The following ORAI2 variants were observed in gnomAD, a reference collection of about 807,000 sequenced individuals.
The protein encoded by ORAI2 is ORAI calcium release-activated calcium modulator 2.
ORAI2 carries 10 observed loss-of-function variants against 16.2 expected under a neutral mutation model. That is an observed-to-expected ratio of 0.62 (90% CI 0.38 to 1.04). The LOEUF is 1.04. Among genes scored for constraint, ORAI2 ranks in the 50% least tolerant of loss-of-function variants. The probability of loss-of-function intolerance (pLI) is 0.01; values close to 1 mark genes in which losing one functional copy is unlikely to be tolerated. For synonymous variants in ORAI2, 150 were observed against 157.5 expected (o/e 0.95, Z 0.35); for missense variants, 238 against 355.5 (o/e 0.67, Z 2.66).
chr7:102,445,324 T>A (rs973372768), intron 3 of ORAI2, among the ~76,000 whole-genome samples: 2 of 151,518 alleles, frequency 1.3e-5, no homozygotes, highest in African/African-American at 4.9e-5. Context: ...AGATGGGCTG[T>A]CACTATGTTG....
intron 3 of ORAI2, among the ~76,000 whole-genome samples, chr7:102,441,017 C>G (rs943340773): frequency 2.0e-5 from 3 of 151,948 alleles, no homozygotes; most frequent in Non-Finnish European, 4.4e-5. Flanking sequence ...CTCAGCCTTT[C>G]GAGTAGCTGG....
intron 3 of ORAI2, 52 bp from the exon 4 acceptor site, chr7:102,446,461 G>A: frequency 1.3e-6 from 2 of 1,542,764 alleles, no homozygotes; most frequent in Admixed American, 1.8e-5. Flanking sequence ...CCCTGGTGGG[G>A]CCATACCTTG....
chr7:102,442,194 T>C (rs1248504934), intron 3 of ORAI2, among the ~76,000 whole-genome samples: 6 of 151,922 alleles, frequency 3.9e-5, no homozygotes, highest in Non-Finnish European at 7.4e-5. Flanking sequence ...GGTGGGCGGA[T>C]CACTTGAGGT....
In ORAI2 at chr7:102,446,860, C is replaced by T; in HGVS notation, c.573C>T (p.His191=). Residue 191 remains histidine (H), a synonymous_variant, in exon 4 of 4, where the codon CAC becomes CAT. Coordinates refer to ENST00000495936, the MANE Select transcript of ORAI2 (RefSeq NM_001126340.3). The stretch of plus-strand genomic sequence containing the variant: ...GCCCCCCACCTGGCCCTGGGAGTCA[C>T]ACGGGCTGGCAGGCCGCCCTGGTGT... ...QPGPPPGPGS[H]TGWQAALVST... is the part of the protein sequence containing the mutation. The T allele has an allele frequency of 6.2e-7, 1 of 1,613,668 alleles. No homozygotes were observed. Among genetic ancestry groups the T allele is most frequent in the Non-Finnish European group, 8.5e-7 (1 of 1,179,972 alleles).
intron 2 of ORAI2, among the ~76,000 whole-genome samples, chr7:102,436,667 T>TGTGG (rs1292064210): frequency 6.6e-6 from 1 of 152,316 alleles, no homozygotes; most frequent in Non-Finnish European, 1.5e-5. Context: ...GTGGGGCCTA[T>TGTGG]GTGGGCCTGG....
Position 102,451,200 on chromosome 7 carries a change from CA to C in ORAI2, c.*4164del, listed in dbSNP as rs10672661. The C allele has an allele frequency of 3.4e-4, 42 of 124,490 alleles. No homozygotes were observed. Among genetic ancestry groups the C allele is most frequent in the Admixed American group, 3.4e-4 (4 of 11,670 alleles). 7.7% of individuals were successfully genotyped at this position (124,490 alleles called of 1,614,324 possible). On this transcript the variant is annotated 3_prime_UTR_variant, in exon 4 of 4. Transcript: ENST00000495936. The stretch of plus-strand genomic sequence containing the variant: ...TGGGTAACAGAGCAAGACTCTGTCT[CA>C]AAAAAAAAAAAAAAAGAACAGGGGC...
In ORAI2 at chr7:102,453,419, T is replaced by C. The variant is rs1317929406; in HGVS notation, c.*6367T>C. The stretch of plus-strand genomic sequence containing the variant: ...GCCACCGTGCCAGGCCTTGTTAATA[T>C]TTTTAACTCTGGCACTTCACCCTAG... On this transcript the variant is annotated 3_prime_UTR_variant, in exon 4 of 4. Transcript: ENST00000495936. 1 of 152,190 alleles carries C rather than the reference T, an allele frequency of 6.6e-6. No homozygotes were observed. Among genetic ancestry groups the C allele is most frequent in the African/African-American group, 2.4e-5 (1 of 41,440 alleles). 9.4% of individuals were successfully genotyped at this position (152,190 alleles called of 1,614,324 possible).
chr7:102,445,650 CTGTCCCCCAGGCTGGAGTGCAGTGG>C (rs1797332295), intron 3 of ORAI2, among the ~76,000 whole-genome samples: 1 of 151,946 alleles, frequency 6.6e-6, no homozygotes, highest in Non-Finnish European at 1.5e-5. Flanking sequence ...GGGTCTCCTT[CTGTCCCCCAGGCTGGAGTGCAGTGG>C]TGCAATCGGG....
intron 3 of ORAI2, among the ~76,000 whole-genome samples, chr7:102,442,415 G>A (rs1200404355): frequency 6.6e-6 from 1 of 152,120 alleles, no homozygotes; most frequent in Non-Finnish European, 1.5e-5. Flanking sequence ...TAGGCTGGGC[G>A]CAGTGGCTCA....
rs1344043201 is a variant in ORAI2 at position 102,449,571 on chromosome 7, GT to G, written c.*2520del. On this transcript the variant is annotated 3_prime_UTR_variant, in exon 4 of 4. Transcript: ENST00000495936. ...AAATACAAAAAATTAGCCGGGTATG[GT>G]GGCGGGTACCTGTAATCCCAGCTAC... 1 of 152,080 alleles carries G rather than the reference GT, an allele frequency of 6.6e-6. No individual in the cohort carries two copies. The highest frequency in any genetic ancestry group is 1.5e-5 in the Non-Finnish European group (1 of 68,038). The allele number at this position is 152,080 out of a possible 1,614,324, so 9.4% of individuals were successfully genotyped here.
rs1336705043 is a variant in ORAI2, at chr7:102,452,438, A to G, written c.*5386A>G. 6.8e-6 allele frequency: 1 copy of G among 147,920 alleles called. No homozygotes were observed. The highest frequency in any genetic ancestry group is 1.5e-5 in the Non-Finnish European group (1 of 67,130). The allele number at this position is 147,920 out of a possible 1,614,324, so 9.2% of individuals were successfully genotyped here. A position where few individuals can be genotyped will look rare whatever the true frequency, so the allele number is the denominator to read the frequency against. On this transcript the variant is annotated 3_prime_UTR_variant, in exon 4 of 4. Coordinates refer to ENST00000495936, the MANE Select transcript of ORAI2 (RefSeq NM_001126340.3). ...GCCAGCTTGCCCAGCTTATGTTTAT[A>G]GATTTATTTTAGAGACAGGGTTGGG...
rs1436272525 is a variant in ORAI2, at chr7:102,452,216, C to T, written c.*5164C>T. On this transcript the variant is annotated 3_prime_UTR_variant, in exon 4 of 4. Transcript: ENST00000495936. ...CATGATCTTGGCTCACTGCAACCTC[C>T]TCCTCCCAGGTTCAAGCGATCTTGT... 1 of 152,102 alleles carries T rather than the reference C, an allele frequency of 6.6e-6. No individual in the cohort carries two copies. The highest frequency in any genetic ancestry group is 1.5e-5 in the Non-Finnish European group (1 of 68,042). 9.4% of individuals were successfully genotyped at this position (152,102 alleles called of 1,614,324 possible).
At chr7:102,438,778 C>A (rs10233314) in intron 2 of ORAI2, among the ~76,000 whole-genome samples, 166 bp from the exon 3 acceptor site, 1 of 152,044 alleles carries the variant, frequency 6.6e-6, no homozygotes, top group African/African-American at 2.4e-5. Flanking sequence ...GTCTCAAAAA[C>A]AAACAAACAA....
At chr7:102,444,188 T>C (rs1797284540) in intron 3 of ORAI2, among the ~76,000 whole-genome samples, 1 of 152,112 alleles carries the variant, frequency 6.6e-6, no homozygotes, top group South Asian at 2.1e-4. Context: ...GGTACATTCA[T>C]AGCTCACTGC....
intron 2 of ORAI2, among the ~76,000 whole-genome samples, chr7:102,438,325 G>A (rs1400926088): frequency 6.6e-6 from 1 of 151,574 alleles, no homozygotes; most frequent in Non-Finnish European, 1.5e-5. Context: ...CGGCGAGACT[G>A]TCTCAAAAAA....
intron 1 of ORAI2, among the ~76,000 whole-genome samples, chr7:102,435,858 C>T (rs1797045773): frequency 6.6e-6 from 1 of 152,138 alleles, no homozygotes; most frequent in Non-Finnish European, 1.5e-5. Flanking sequence ...TAGTCTCGAA[C>T]TCCTGACCTC....
At chr7:102,443,131 CTTTTTTT>C (rs796130520) in intron 3 of ORAI2, among the ~76,000 whole-genome samples, 2 of 25,650 alleles carry the variant, frequency 7.8e-5, no homozygotes, top group African/African-American at 1.6e-4. Flanking sequence ...TCTTCTTCTT[CTTTTTTT>C]TTTTTTTAAT....
In ORAI2 at chr7:102,451,237, G is replaced by A. The variant is rs1313755213; in HGVS notation, c.*4185G>A. 1 of 149,724 alleles carries A rather than the reference G, an allele frequency of 6.7e-6. No individual in the cohort carries two copies. Among genetic ancestry groups the A allele is most frequent in the African/African-American group, 2.5e-5 (1 of 40,774 alleles). The allele number at this position is 149,724 out of a possible 1,614,324, so 9.3% of individuals were successfully genotyped here. On this transcript the variant is annotated 3_prime_UTR_variant, in exon 4 of 4. Transcript: ENST00000495936. ...AAAAAGAACAGGGGCCTCTGCCTCA[G>A]TTTGCCCGGGAGCCAGCCAGGGCCC... is the stretch of plus-strand genomic sequence containing the variant.
intron 2 of ORAI2, among the ~76,000 whole-genome samples, chr7:102,438,631 C>T (rs1450364676): frequency 1.3e-5 from 2 of 152,118 alleles, no homozygotes; most frequent in East Asian, 3.9e-4. Context: ...AAAAATTAGC[C>T]AGGCGTGGTG....
Sources: gnomAD v4.1 joint callset for allele counts (sites outside exome capture counted in the v4.1 genomes callset) on GRCh38, gnomAD v4.1.1 for gene constraint, MANE v1.5 for transcripts, NCBI Gene and HGNC (gene_info 2026-07-23, HGNC 2026-07-21) for gene names.